Variants in PELI2 observed in about 807,000 individuals in gnomAD.
PELI2 encodes the protein pellino E3 ubiquitin protein ligase family member 2.
A neutral mutation model predicts 42.3 loss-of-function variants in PELI2; 23 were observed. The observed-to-expected ratio is 0.54, with a 90% CI of 0.39 to 0.77. The LOEUF (loss-of-function observed/expected upper bound fraction) is 0.77. Ranked by LOEUF, PELI2 falls within the 30% of genes least tolerant of loss-of-function variation. The pLI is 0.00. For synonymous variants in PELI2, 245 were observed against 212.2 expected (o/e 1.15, Z -1.34); for missense variants, 463 against 553.2 (o/e 0.84, Z 1.64).
At chr14:56,246,132 C>G (rs1888144860) in intron 2 of PELI2, among the ~76,000 whole-genome samples, 1 of 152,142 alleles carries the variant, frequency 6.6e-6, no homozygotes, top group African/African-American at 2.4e-5. Flanking sequence ...AAGCATGGAT[C>G]TCCTCTGGAG....
intron 1 of PELI2, among the ~76,000 whole-genome samples, chr14:56,121,494 G>A (rs1449958052): frequency 6.6e-6 from 1 of 152,178 alleles, no homozygotes; most frequent in Non-Finnish European, 1.5e-5. Flanking sequence ...GCCAGTTAAT[G>A]TATCATAGCC....
intron 4 of PELI2, among the ~76,000 whole-genome samples, chr14:56,289,091 A>AT (rs1359909813): frequency 6.6e-6 from 1 of 152,220 alleles, no homozygotes; most frequent in Non-Finnish European, 1.5e-5. Flanking sequence ...CCCTGCCCTT[A>AT]TAGGGTTTCC....
chr14:56,236,244 A>G (rs1566656418), intron 2 of PELI2, among the ~76,000 whole-genome samples: 3 of 152,248 alleles, frequency 2.0e-5, no homozygotes, highest in Admixed American at 2.0e-4. Context: ...AGGTGTGTAT[A>G]TACTGGTACC....
chr14:56,239,973 G>T (rs927717007), intron 2 of PELI2, among the ~76,000 whole-genome samples: 2 of 152,156 alleles, frequency 1.3e-5, no homozygotes, highest in Non-Finnish European at 2.9e-5. Flanking sequence ...TGGAGATGAA[G>T]ACCCAGGTTC....
At chr14:56,192,804 A>G (rs1004399382) in intron 2 of PELI2, among the ~76,000 whole-genome samples, 1 of 152,228 alleles carries the variant, frequency 6.6e-6, no homozygotes, top group Admixed American at 6.5e-5. Context: ...TGTGTTGTAA[A>G]TGCTCAACAA....
intron 1 of PELI2, among the ~76,000 whole-genome samples, chr14:56,176,905 A>C (rs928281181): frequency 5.9e-5 from 9 of 152,206 alleles, no homozygotes; most frequent in Admixed American, 2.0e-4. Flanking sequence ...TAGAGTGTTC[A>C]TCTTGATTTA....
rs373965373 is a variant in PELI2, at chr14:56,298,542, AT to A, written c.*1378del. 4.6e-5 allele frequency: 7 copies of A among 152,766 alleles called. No homozygotes were observed. Among genetic ancestry groups the A allele is most frequent in the African/African-American group, 1.7e-4 (7 of 41,586 alleles). 9.5% of individuals were successfully genotyped at this position (152,766 alleles called of 1,614,324 possible). A position where few individuals can be genotyped will look rare whatever the true frequency, so the allele number is the denominator to read the frequency against. ...AAACTAATGTTCTCTTAATTTGACC[AT>A]TGCAGATTTGGGTGACTTTTTTTTA... On this transcript the variant is annotated 3_prime_UTR_variant, in exon 6 of 6. Transcript: ENST00000267460.
Position 56,219,544 on chromosome 14 carries a change from A to G in PELI2, c.207+41080A>G, listed in dbSNP as rs908600045. ...CAGCCTCTCCCTCAATCTTACAAAC[A>G]GTAGGCATCCACAAGGAAGTCAAAG... is the stretch of plus-strand genomic sequence containing the variant. On this transcript the variant is annotated intron_variant, in intron 2 of 5. Transcript: ENST00000267460. This position sits in a 1 kb window ranked among gnomAD's most constrained non-coding sequence, Gnocchi z 4.1. Among the ~76,000 whole-genome samples, 1 of 152,174 alleles carries G rather than the reference A, an allele frequency of 6.6e-6. No homozygotes were observed. Among genetic ancestry groups the G allele is most frequent in the Non-Finnish European group, 1.5e-5 (1 of 68,020 alleles).
chr14:56,194,201 C>T (rs1291153239), intron 2 of PELI2, among the ~76,000 whole-genome samples: 2 of 152,190 alleles, frequency 1.3e-5, no homozygotes, highest in African/African-American at 2.4e-5. Context: ...TTACTTCCCA[C>T]TCGGGCAGCA....
At chr14:56,271,132 T>C (rs1250256564) in intron 2 of PELI2, among the ~76,000 whole-genome samples, 1 of 152,208 alleles carries the variant, frequency 6.6e-6, no homozygotes, top group East Asian at 1.9e-4. Context: ...TGATACCCTC[T>C]AGTCCTCACC....
At chr14:56,228,657 C>G (rs576200196) in intron 2 of PELI2, among the ~76,000 whole-genome samples, 4 of 152,204 alleles carry the variant, frequency 2.6e-5, no homozygotes, top group Admixed American at 6.5e-5. Context: ...TGAATAGGAA[C>G]AGTTCCAGTC....
intron 2 of PELI2, among the ~76,000 whole-genome samples, chr14:56,260,881 G>C (rs960744228): frequency 1.3e-5 from 2 of 152,128 alleles, no homozygotes; most frequent in African/African-American, 4.8e-5. Flanking sequence ...AGAATAACCG[G>C]GAGAGTAAAG....
intron 1 of PELI2, among the ~76,000 whole-genome samples, chr14:56,127,536 T>C (rs928174352): frequency 5.3e-5 from 8 of 152,174 alleles, no homozygotes; most frequent in African/African-American, 1.9e-4. Flanking sequence ...AGTTCTGTGT[T>C]GGTGAGAAGC....
At chr14:56,173,279 G>T (rs1338680538) in intron 1 of PELI2, among the ~76,000 whole-genome samples, 3 of 152,140 alleles carry the variant, frequency 2.0e-5, no homozygotes, top group Non-Finnish European at 2.9e-5. Flanking sequence ...TAAAACCAGG[G>T]TTCTTACCTG....
At position 56,197,046 on chromosome 14, in the gene PELI2, GTTTA is replaced by G. The variant is rs935622099; in HGVS notation, c.207+18587_207+18590del. Among the ~76,000 whole-genome samples, 3 of 151,202 alleles carry G rather than the reference GTTTA, an allele frequency of 2.0e-5. No individual in the cohort carries two copies. Among genetic ancestry groups the G allele is most frequent in the Admixed American group, 6.6e-5 (1 of 15,136 alleles). On this transcript the variant is annotated intron_variant, in intron 2 of 5. Coordinates refer to ENST00000267460, the MANE Select transcript of PELI2 (RefSeq NM_021255.3). This position sits in a 1 kb window ranked among gnomAD's most constrained non-coding sequence, Gnocchi z 4.9. ...GATTTTTCTTGCATTAGAATTTTTT[GTTTA>G]TTTAATTAATATTAATTGAGCATCT...
At chr14:56,130,783 C>A (rs1883456345) in intron 1 of PELI2, among the ~76,000 whole-genome samples, 1 of 152,046 alleles carries the variant, frequency 6.6e-6, no homozygotes, top group East Asian at 1.9e-4. Flanking sequence ...GCAGGAAAAG[C>A]TGCCTTTGTC....
chr14:56,120,982 G>A (rs954038320), intron 1 of PELI2, among the ~76,000 whole-genome samples: 1 of 152,126 alleles, frequency 6.6e-6, no homozygotes, highest in Non-Finnish European at 1.5e-5. Context: ...AGAGTGACTA[G>A]GTAGGAAGAT....
Position 56,156,588 on chromosome 14 carries a change from A to G in PELI2, c.78-21747A>G, listed in dbSNP as rs113166564. Among the ~76,000 whole-genome samples the G allele has an allele frequency of 4.2e-4, 64 of 152,342 alleles. 1 individual carries two copies. The highest frequency in any genetic ancestry group is 1.5e-3 in the African/African-American group (63 of 41,578). On this transcript the variant is annotated intron_variant, in intron 1 of 5. Coordinates refer to ENST00000267460, the MANE Select transcript of PELI2 (RefSeq NM_021255.3). ...CTTCACTTGACATGATTGAAAATCT[A>G]TACCAGCACTGTCCAGTGTAACTTT...
intron 1 of PELI2, among the ~76,000 whole-genome samples, chr14:56,124,937 A>G (rs922097433): frequency 2.6e-5 from 4 of 152,210 alleles, no homozygotes; most frequent in African/African-American, 9.7e-5. Flanking sequence ...TGAAGGGCTT[A>G]TAAGATATTG....
Sources: gnomAD v4.1 joint callset for allele counts (sites outside exome capture counted in the v4.1 genomes callset) on GRCh38, gnomAD v4.1.1 for gene constraint, Gnocchi (gnomAD v3.1) non-coding constraint, MANE v1.5 for transcripts, NCBI Gene and HGNC (gene_info 2026-07-23, HGNC 2026-07-21) for gene names.